TULP4: variants seen among roughly 807,000 people sequenced by gnomAD.
TULP4 encodes tubby-related protein 4.
Under a neutral mutation model 129.0 loss-of-function variants are expected in TULP4, and 16 were observed. That is an observed-to-expected ratio of 0.12 (90% CI 0.08 to 0.19). The LOEUF (loss-of-function observed/expected upper bound fraction) is 0.19. Ranked by LOEUF, TULP4 falls within the 10% of genes least tolerant of loss-of-function variation. TULP4 has a pLI of 1.00. For synonymous variants in TULP4, 998 were observed against 854.0 expected (o/e 1.17, Z -2.94); for missense variants, 1,842 against 2,059.1 (o/e 0.89, Z 2.04).
At chr6:158,263,398 A>G (rs1477266517) in intron 1 of TULP4, among the ~76,000 whole-genome samples, 2 of 152,326 alleles carry the variant, frequency 1.3e-5, no homozygotes, top group Non-Finnish European at 2.9e-5. Context: ...TGCTTAATTT[A>G]TAAATAGTAA....
chr6:158,242,879 G>A (rs1415109321), intron 1 of TULP4: 2 of 193,958 alleles, frequency 1.0e-5, no homozygotes, highest in East Asian at 3.1e-4. Flanking sequence ...TCGCCTCCCG[G>A]GTTCAAGTGA....
upstream of TULP4, among the ~76,000 whole-genome samples, chr6:158,311,068 G>GGGTA (rs574425136): frequency 5.9e-5 from 9 of 152,134 alleles, no homozygotes; most frequent in South Asian, 1.9e-3. Context: ...TTTGCACCAT[G>GGGTA]GGTACAAATG....
At chr6:158,412,678 C>A (rs994499536) in intron 1 of TULP4, among the ~76,000 whole-genome samples, 1 of 152,178 alleles carries the variant, frequency 6.6e-6, no homozygotes, top group Non-Finnish European at 1.5e-5. Flanking sequence ...ACCCTTTCCT[C>A]TTTCCATACT....
chr6:158,476,624 C>T (rs918553279), intron 6 of TULP4, among the ~76,000 whole-genome samples: 3 of 152,218 alleles, frequency 2.0e-5, no homozygotes, highest in Non-Finnish European at 4.4e-5. Flanking sequence ...GGGCTCTCTT[C>T]TGCTGTGATG....
At chr6:158,455,753 T>A (rs938549003) in intron 5 of TULP4, among the ~76,000 whole-genome samples, 1 of 146,778 alleles carries the variant, frequency 6.8e-6, no homozygotes, top group Non-Finnish European at 1.5e-5. Flanking sequence ...AAAAAAAAAA[T>A]TATTTGCAGG....
At chr6:158,322,989 C>T (rs1298581778) in intron 1 of TULP4, among the ~76,000 whole-genome samples, 1 of 152,154 alleles carries the variant, frequency 6.6e-6, no homozygotes, top group Non-Finnish European at 1.5e-5. Flanking sequence ...GTGCTTTTCT[C>T]AGTGGTGCAA....
At chr6:158,389,499 T>G (rs571630440) in intron 1 of TULP4, among the ~76,000 whole-genome samples, 2 of 152,218 alleles carry the variant, frequency 1.3e-5, no homozygotes, top group South Asian at 4.1e-4. Flanking sequence ...AAAAGGCAAC[T>G]TTTCCCTGAG....
At chr6:158,362,951 A>G (rs1562535322) in intron 1 of TULP4, among the ~76,000 whole-genome samples, 1 of 151,310 alleles carries the variant, frequency 6.6e-6, no homozygotes. Flanking sequence ...AATCCCAGCT[A>G]CTCGGGAGGC....
chr6:158,459,185 C>T (rs1779362349), intron 5 of TULP4, among the ~76,000 whole-genome samples: 1 of 152,188 alleles, frequency 6.6e-6, no homozygotes, highest in Admixed American at 6.5e-5. Context: ...AATCTCAGCA[C>T]TTTGTGAGGC....
chr6:158,471,494 A>G (rs2128246709), intron 6 of TULP4, among the ~76,000 whole-genome samples: 1 of 152,340 alleles, frequency 6.6e-6, no homozygotes, highest in Middle Eastern at 3.4e-3. Context: ...GAGGCTAGGA[A>G]GTGTAAAGTC....
intron 1 of TULP4, among the ~76,000 whole-genome samples, chr6:158,351,357 T>G (rs828010): frequency 0.87 from 131,895 of 152,200 alleles, 57,520 homozygotes; most frequent in South Asian, 0.93. Context: ...TGTGAAGTCT[T>G]CTTATGAGGC....
At chr6:158,351,048 C>T (rs1017873942) in intron 1 of TULP4, among the ~76,000 whole-genome samples, 17 of 152,192 alleles carry the variant, frequency 1.1e-4, no homozygotes, top group African/African-American at 3.1e-4. Context: ...GCTACCACGC[C>T]TGGCCCTGTT....
upstream of TULP4, among the ~76,000 whole-genome samples, chr6:158,281,993 T>C (rs1466152401): frequency 2.6e-5 from 4 of 152,212 alleles, no homozygotes; most frequent in Non-Finnish European, 5.9e-5. Context: ...ATGAAGAGTA[T>C]ACTTCAGGCC....
At chr6:158,368,168 G>C (rs1776981200) in intron 1 of TULP4, among the ~76,000 whole-genome samples, 1 of 151,024 alleles carries the variant, frequency 6.6e-6, no homozygotes, top group African/African-American at 2.4e-5. Context: ...GATTCCTCTT[G>C]ATTGGTTTGT....
chr6:158,378,485 T>TTGTG (rs1554285635), intron 1 of TULP4, among the ~76,000 whole-genome samples: 14 of 51,406 alleles, frequency 2.7e-4, no homozygotes, highest in South Asian at 6.4e-4. Context: ...TTTTTTTTTT[T>TTGTG]GGTGGGGGTG....
intron 1 of TULP4, among the ~76,000 whole-genome samples, chr6:158,349,041 G>A (rs1261395796): frequency 3.3e-4 from 19 of 58,034 alleles, no homozygotes; most frequent in East Asian, 3.0e-3. Context: ...GGGCAGAGGC[G>A]CTCCTCACTT....
rs538638437 is a variant in TULP4, at chr6:158,317,616, G to T, written c.252+3348G>T. On this transcript the variant is annotated intron_variant, in intron 1 of 13. Coordinates refer to ENST00000367097, the MANE Select transcript of TULP4 (RefSeq NM_020245.5). ...AGTTTTTGCTATTGTGAATAGTGCCGCAATAAACATATGTGTGCATGTGTC... is the reference window on the plus strand; with the variant it reads ...AGTTTTTGCTATTGTGAATAGTGCCTCAATAAACATATGTGTGCATGTGTC... 7.9e-5 allele frequency among the ~76,000 whole-genome samples: 12 copies of T among 152,216 alleles called. No individual in the cohort carries two copies. The South Asian group carries it at 2.5e-3, about 32-fold the overall frequency.
intron 11 of TULP4, among the ~76,000 whole-genome samples, chr6:158,495,251 C>T (rs1228345447): frequency 2.0e-5 from 3 of 152,068 alleles, no homozygotes; most frequent in Admixed American, 6.6e-5. Context: ...CAGGGTTTCA[C>T]CACATTGTCC....
intron 1 of TULP4, among the ~76,000 whole-genome samples, chr6:158,375,085 A>G (rs1777155503): frequency 6.6e-6 from 1 of 152,100 alleles, no homozygotes; most frequent in African/African-American, 2.4e-5. Flanking sequence ...TCTACTAAAA[A>G]TACAAAAATT....
Sources: gnomAD v4.1 joint callset for allele counts (sites outside exome capture counted in the v4.1 genomes callset) on GRCh38, gnomAD v4.1.1 for gene constraint, MANE v1.5 for transcripts, NCBI Gene and HGNC (gene_info 2026-07-23, HGNC 2026-07-21) for gene names.